C8orf89: variants seen among roughly 807,000 people sequenced by gnomAD.
The protein encoded by C8orf89 is chromosome 8 open reading frame 89.
Under a neutral mutation model 15.8 loss-of-function variants are expected in C8orf89, and 14 were observed. The ratio of observed to expected loss-of-function variants is 0.89; its 90% CI spans 0.59 to 1.39. The LOEUF is 1.39. Ranked by LOEUF, C8orf89 falls within the 40% of genes most tolerant of loss-of-function variation. The probability of loss-of-function intolerance (pLI) is 0.00; values close to 1 mark genes in which losing one functional copy is unlikely to be tolerated. For missense variants in C8orf89, 181 were observed against 184.5 expected, an observed-to-expected ratio of 0.98 and a Z score of 0.11; for synonymous variants, 55 against 62.2, an observed-to-expected ratio of 0.88 and a Z score of 0.54.
At chr8:73,273,481 T>G in the C8orf89 span, among the ~76,000 whole-genome samples, 1 of 152,166 alleles carries the variant, frequency 6.6e-6, no homozygotes, top group African/African-American at 2.4e-5. Context: ...CTTGGCCCTC[T>G]CCAGACTGTG....
the C8orf89 span, among the ~76,000 whole-genome samples, chr8:73,285,349 T>C: frequency 6.6e-6 from 1 of 152,238 alleles, no homozygotes; most frequent in East Asian, 1.9e-4. Flanking sequence ...CTTCCCTCAA[T>C]CTCATCCCCC....
rs764557043 is a variant in C8orf89 at position 73,241,477 on chromosome 8, G to C, written c.466C>G (p.Arg156Gly). 6.5e-7 allele frequency: 1 copy of C among 1,528,154 alleles called. No individual in the cohort carries two copies. Among genetic ancestry groups the C allele is most frequent in the Admixed American group, 2.0e-5 (1 of 50,602 alleles). 94.7% of individuals were successfully genotyped at this position (1,528,154 alleles called of 1,614,324 possible). A position where few individuals can be genotyped will look rare whatever the true frequency, so the allele number is the denominator to read the frequency against. ...TTTKSKKSKK[R>G]DLRDR ...ATTTTTCAGCGGTCTCGGAGGTCTC[G>C]TTTCTTGCTTTTTTTTGATTTTGTG... The change falls in exon 4 of 4, where the codon CGA (arginine) becomes GGA (glycine). Residue 156 changes from arginine (R) to glycine (G), a missense_variant. Arg to Gly is a moderately radical substitution (Grantham distance 125, BLOSUM62 -2). Transcript: ENST00000624510.
chr8:73,247,088 C>T (rs4357275), intron 3 of C8orf89, among the ~76,000 whole-genome samples: 19,398 of 152,088 alleles, frequency 0.13, 1,380 homozygotes, highest in African/African-American at 0.19. Context: ...AGGTTTGTTA[C>T]ATAGGTAAAC....
chr8:73,283,987 A>C, the C8orf89 span, among the ~76,000 whole-genome samples: 1 of 151,816 alleles, frequency 6.6e-6, no homozygotes, highest in African/African-American at 2.4e-5. Context: ...GGTTGCAGTA[A>C]GCCAGGACCG....
At chr8:73,284,950 T>C in the C8orf89 span, among the ~76,000 whole-genome samples, 1 of 152,208 alleles carries the variant, frequency 6.6e-6, no homozygotes, top group African/African-American at 2.4e-5. Flanking sequence ...AAAAAGGTTG[T>C]ATGGGAAAAT....
chr8:73,280,217 G>C, the C8orf89 span, among the ~76,000 whole-genome samples: 2 of 152,072 alleles, frequency 1.3e-5, no homozygotes, highest in Non-Finnish European at 2.9e-5. Context: ...CCTTTTCTTT[G>C]TTCCTAGCTT....
chr8:73,272,779 T>C, the C8orf89 span, among the ~76,000 whole-genome samples: 1 of 152,204 alleles, frequency 6.6e-6, no homozygotes, highest in Non-Finnish European at 1.5e-5. Context: ...ACAAAAGACA[T>C]GAACTCATCA....
At chr8:73,242,761 C>A (rs1435562730) in intron 3 of C8orf89, among the ~76,000 whole-genome samples, 1 of 152,036 alleles carries the variant, frequency 6.6e-6, no homozygotes, top group Non-Finnish European at 1.5e-5. Flanking sequence ...TCTCAGAAAA[C>A]CAAAAATGGA....
At chr8:73,244,868 A>C (rs944653506) in intron 3 of C8orf89, among the ~76,000 whole-genome samples, 9 of 152,246 alleles carry the variant, frequency 5.9e-5, no homozygotes, top group Non-Finnish European at 1.2e-4. Flanking sequence ...AGTTGTTAAT[A>C]ATAAGATAAA....
At chr8:73,242,823 G>T (rs748891638) in intron 3 of C8orf89, among the ~76,000 whole-genome samples, 1 of 152,146 alleles carries the variant, frequency 6.6e-6, no homozygotes, top group Non-Finnish European at 1.5e-5. Context: ...CAAAAGAAGG[G>T]AAATCGGTAT....
the C8orf89 span, among the ~76,000 whole-genome samples, chr8:73,285,665 C>T: frequency 1.3e-5 from 2 of 152,234 alleles, no homozygotes; most frequent in African/African-American, 4.8e-5. Flanking sequence ...CTGGCCGTTG[C>T]GGCCCAGGTA....
the C8orf89 span, among the ~76,000 whole-genome samples, chr8:73,282,583 A>G: frequency 6.6e-6 from 1 of 152,234 alleles, no homozygotes; most frequent in Non-Finnish European, 1.5e-5. Flanking sequence ...GAGATTACAG[A>G]CAAATCTGAA....
In C8orf89 at chr8:73,253,584, C is replaced by A. The variant is rs576816796; in HGVS notation, c.282-3261G>T. On this transcript the variant is annotated intron_variant, in intron 2 of 3. Transcript: ENST00000624510. ...TACCCATGAGCATGGAATGTTCTTC[C>A]ATTTGTTTGTATCCTCTTTTATTTC... 1.1e-4 allele frequency among the ~76,000 whole-genome samples: 16 copies of A among 151,644 alleles called. No individual in the cohort carries two copies. In the South Asian group the frequency reaches 3.3e-3, roughly 32 times the overall value.
the C8orf89 span, among the ~76,000 whole-genome samples, chr8:73,285,901 G>A: frequency 1.3e-5 from 2 of 151,916 alleles, no homozygotes; most frequent in Non-Finnish European, 2.9e-5. Flanking sequence ...GCTGGGCCCG[G>A]CCCGGCCGGC....
At chr8:73,280,707 A>C in the C8orf89 span, among the ~76,000 whole-genome samples, 2 of 151,000 alleles carry the variant, frequency 1.3e-5, no homozygotes, top group Non-Finnish European at 2.9e-5. Flanking sequence ...ATACATATAC[A>C]TATATATATA....
At chr8:73,270,892 T>C in the C8orf89 span, among the ~76,000 whole-genome samples, 3 of 152,234 alleles carry the variant, frequency 2.0e-5, no homozygotes, top group East Asian at 5.8e-4. Flanking sequence ...CTTATTTGTG[T>C]CTAAATATTC....
chr8:73,273,900 G>T, the C8orf89 span, among the ~76,000 whole-genome samples: 1 of 151,896 alleles, frequency 6.6e-6, no homozygotes, highest in Non-Finnish European at 1.5e-5. Flanking sequence ...TCTTAGTTAA[G>T]TATATTTTAT....
chr8:73,274,161 CT>C, the C8orf89 span, among the ~76,000 whole-genome samples: 10 of 148,636 alleles, frequency 6.7e-5, no homozygotes, highest in Admixed American at 1.3e-4. Flanking sequence ...CATATTTCAT[CT>C]TTTTTTTTTG....
intron 3 of C8orf89, among the ~76,000 whole-genome samples, chr8:73,248,978 T>C (rs1392850236): frequency 6.6e-6 from 1 of 152,158 alleles, no homozygotes; most frequent in Non-Finnish European, 1.5e-5. Context: ...CAATACTGTG[T>C]TGAATAAGGG....
Sources: gnomAD v4.1 joint callset for allele counts (sites outside exome capture counted in the v4.1 genomes callset) on GRCh38, gnomAD v4.1.1 for gene constraint, MANE v1.5 for transcripts, NCBI Gene and HGNC (gene_info 2026-07-23, HGNC 2026-07-21) for gene names.